Variants in STEAP2 observed in about 807,000 individuals in gnomAD.
STEAP2 encodes the protein metalloreductase STEAP2.
In STEAP2, 30 loss-of-function variants were observed where a neutral mutation model predicts 46.4. The observed-to-expected ratio is 0.65, with a 90% CI of 0.48 to 0.88. The LOEUF (loss-of-function observed/expected upper bound fraction) is 0.88. Ranked by LOEUF, STEAP2 falls within the 40% of genes least tolerant of loss-of-function variation. The pLI is 0.00. For missense variants in STEAP2, 513 were observed against 579.3 expected, an observed-to-expected ratio of 0.89 and a Z score of 1.18; for synonymous variants, 180 against 200.5, an observed-to-expected ratio of 0.90 and a Z score of 0.86.
chr7:90,229,354 G>C (rs1199096249), intron 4 of STEAP2, among the ~76,000 whole-genome samples: 2 of 152,134 alleles, frequency 1.3e-5, no homozygotes, highest in Non-Finnish European at 2.9e-5. Context: ...TCTAGGAAGA[G>C]AAGATGAGAA....
chr7:90,231,978 G>T (rs935539303), intron 5 of STEAP2, among the ~76,000 whole-genome samples: 1 of 151,908 alleles, frequency 6.6e-6, no homozygotes, highest in Non-Finnish European at 1.5e-5. Context: ...AAAAGGAATG[G>T]TTTAATAAAT....
chr7:90,240,850 C>T (rs17867360), downstream of STEAP2, among the ~76,000 whole-genome samples: 6,173 of 152,192 alleles, frequency 0.041, 311 homozygotes, highest in East Asian at 0.1. The surrounding 1 kb of genome is among the most constrained non-coding windows in gnomAD (Gnocchi z 4.1). Context: ...AACTCATTTC[C>T]CATGTTTCTC....
chr7:90,227,147 C>T lies in STEAP2; in HGVS notation c.669C>T (p.Ala223=). The change falls in exon 4 of 6, where the codon GCC becomes GCT. Residue 223 remains alanine, a synonymous_variant. Transcript: ENST00000394621. ...RGPVVVAISL[A]TFFFLYSFVR... is the part of the protein sequence containing the mutation. Reference sequence around the variant, plus strand: ...CAGTGGTGGTAGCTATAAGCTTGGCCACATTTTTTTTCCTTTATTCCTTTG... The same window carrying T: ...CAGTGGTGGTAGCTATAAGCTTGGCTACATTTTTTTTCCTTTATTCCTTTG... 6.2e-7 allele frequency: 1 copy of T among 1,613,640 alleles called. No homozygotes were observed. Among genetic ancestry groups the T allele is most frequent in the Non-Finnish European group, 8.5e-7 (1 of 1,179,826 alleles).
In STEAP2 at chr7:90,232,829, T is replaced by C; in HGVS notation, c.*205T>C. 8.0e-7 allele frequency: 1 copy of C among 1,255,022 alleles called. No homozygotes were observed. The highest frequency in any genetic ancestry group is 1.0e-6 in the Non-Finnish European group (1 of 996,628). 77.7% of individuals were successfully genotyped at this position (1,255,022 alleles called of 1,614,324 possible). The stretch of plus-strand genomic sequence containing the variant: ...CCAATATGAATTTTTCTAGTCAACA[T>C]ATTATTGTAATTTAGGTATGTTTTG... On this transcript the variant is annotated 3_prime_UTR_variant, in exon 6 of 6. Transcript: ENST00000394621.
intron 3 of STEAP2, 73 bp from the exon 4 acceptor site, chr7:90,226,898 A>G: frequency 6.9e-7 from 1 of 1,441,372 alleles, no homozygotes; most frequent in Non-Finnish European, 9.4e-7. Context: ...GATGGTCCGT[A>G]AGTGGAGCAT....
At chr7:90,226,860 G>A in intron 3 of STEAP2, 111 bp from the exon 4 acceptor site, 1 of 1,065,092 alleles carries the variant, frequency 9.4e-7, no homozygotes, top group Non-Finnish European at 1.4e-6. Flanking sequence ...AATTCAACAA[G>A]TATTTATTCC....
intron 4 of STEAP2, 117 bp downstream of exon 4, chr7:90,227,615 G>A (rs1335259087): frequency 3.0e-6 from 3 of 989,306 alleles, no homozygotes; most frequent in Non-Finnish European, 4.1e-6. Flanking sequence ...GTATACTGCG[G>A]GAGGGGAAAG....
chr7:90,216,246 G>A (rs1161871601), intron 1 of STEAP2: 2 of 152,176 alleles, frequency 1.3e-5, no homozygotes, highest in African/African-American at 4.8e-5. Context: ...AGGTCCCCAG[G>A]TGATCATATT....
rs879020831 is a variant in STEAP2 at position 90,233,577 on chromosome 7, T to C, written c.*953T>C. On this transcript the variant is annotated 3_prime_UTR_variant, in exon 6 of 6. Coordinates refer to ENST00000394621, the MANE Select transcript of STEAP2 (RefSeq NM_001244944.2). Reference sequence around the variant, plus strand: ...CTAGGCATGGTTCTAAGTACTTTACTTGTATTATCCCATTTAATACTTAGA... The same window carrying C: ...CTAGGCATGGTTCTAAGTACTTTACCTGTATTATCCCATTTAATACTTAGA... 6 of 955,198 alleles carry C rather than the reference T, an allele frequency of 6.3e-6. No homozygotes were observed. Among genetic ancestry groups the C allele is most frequent in the Non-Finnish European group, 6.2e-6 (5 of 802,564 alleles). The allele number at this position is 955,198 out of a possible 1,614,324, so 59.2% of individuals were successfully genotyped here.
In STEAP2 at chr7:90,227,514, G is replaced by A; in HGVS notation, c.1020+16G>A. 6.6e-7 allele frequency: 1 copy of A among 1,518,090 alleles called. No individual in the cohort carries two copies. Among genetic ancestry groups the A allele is most frequent in the African/African-American group, 1.4e-5 (1 of 71,834 alleles). The allele number at this position is 1,518,090 out of a possible 1,614,324, so 94.0% of individuals were successfully genotyped here. On this transcript the variant is annotated intron_variant, in intron 4 of 5. Coordinates refer to ENST00000394621, the MANE Select transcript of STEAP2 (RefSeq NM_001244944.2). Reference sequence around the variant, plus strand: ...TTATCAGCAGGTACTGAATGTGCTTGTTATTTATCTGATGCTAGTAAAATA... The same window carrying A: ...TTATCAGCAGGTACTGAATGTGCTTATTATTTATCTGATGCTAGTAAAATA...
At chr7:90,221,391 C>T (rs1258741035) in intron 2 of STEAP2, among the ~76,000 whole-genome samples, 1 of 152,012 alleles carries the variant, frequency 6.6e-6, no homozygotes, top group Non-Finnish European at 1.5e-5. Context: ...TTCATTGTCT[C>T]TTTATACTGT....
chr7:90,230,126 G>A, intron 5 of STEAP2, 90 bp downstream of exon 5: 1 of 1,542,098 alleles, frequency 6.5e-7, no homozygotes, highest in Non-Finnish European at 8.7e-7. Context: ...CTTATTAAAA[G>A]GGTGCCTTTG....
chr7:90,242,633 C>A (rs535665271), downstream of STEAP2, among the ~76,000 whole-genome samples: 1 of 152,184 alleles, frequency 6.6e-6, no homozygotes, highest in Non-Finnish European at 1.5e-5. Context: ...AGTCTCCTTT[C>A]GATGTGGTTT....
chr7:90,242,923 G>T (rs536265429), downstream of STEAP2, among the ~76,000 whole-genome samples: 22 of 152,282 alleles, frequency 1.4e-4, no homozygotes, highest in South Asian at 4.1e-4. Context: ...GAGGAGAGGG[G>T]TCAACAGTGT....
intron 1 of STEAP2, among the ~76,000 whole-genome samples, chr7:90,214,079 G>C (rs183711854): frequency 2.0e-5 from 3 of 152,306 alleles, no homozygotes; most frequent in Admixed American, 2.0e-4. Context: ...CTGCTGTGGA[G>C]ATGTTTGGAA....
Position 90,214,686 on chromosome 7 carries a change from C to A in STEAP2, c.-146-1805C>A, listed in dbSNP as rs1000219674. ...AATCTAGCCTCGGTTTAAAGAGAAA[C>A]CAGAGCAGGCTGAAGGAGAGTGCAG... On this transcript the variant is annotated intron_variant, in intron 1 of 5. Transcript: ENST00000394621. Among the ~76,000 whole-genome samples the A allele has an allele frequency of 2.1e-5, 3 of 145,082 alleles. No individual in the cohort carries two copies. In the Admixed American group the frequency reaches 2.1e-4, roughly 10 times the overall value.
chr7:90,240,070 A>G (rs984712019), downstream of STEAP2, among the ~76,000 whole-genome samples: 3 of 152,152 alleles, frequency 2.0e-5, no homozygotes, highest in Non-Finnish European at 4.4e-5. This position sits in a 1 kb window ranked among gnomAD's most constrained non-coding sequence, Gnocchi z 4.1. Flanking sequence ...CCAGGAGTTC[A>G]AGACCAACCT....
At chr7:90,237,953 A>G, downstream of STEAP2, 1 of 642,096 alleles carries the variant, frequency 1.6e-6, no homozygotes, top group Non-Finnish European at 2.9e-6. Context: ...AGTATCTAGT[A>G]TAATGTGATC....
chr7:90,240,280 C>CAAAA (rs56229485), downstream of STEAP2, among the ~76,000 whole-genome samples: 1 of 146,102 alleles, frequency 6.8e-6, no homozygotes. This position sits in a 1 kb window ranked among gnomAD's most constrained non-coding sequence, Gnocchi z 4.1. Context: ...GACCCTGTCT[C>CAAAA]AAAAAAAAAA....
Sources: allele counts gnomAD v4.1 joint callset (sites outside exome capture counted in the v4.1 genomes callset), GRCh38; gene constraint gnomAD v4.1.1; non-coding constraint Gnocchi (gnomAD v3.1); transcripts MANE v1.5; gene names NCBI Gene and HGNC (gene_info 2026-07-23, HGNC 2026-07-21).